The following HCRTR1 variants were observed in gnomAD, a reference collection of about 807,000 sequenced individuals.
HCRTR1 encodes the protein hypocretin receptor 1.
In HCRTR1, 28 loss-of-function variants were observed where a neutral mutation model predicts 40.6. The observed-to-expected ratio is 0.69, with a 90% CI of 0.51 to 0.95. The LOEUF (loss-of-function observed/expected upper bound fraction) is 0.95, where lower values mean the gene tolerates loss of function less well. HCRTR1 is among the 40% of genes least tolerant of loss of function. The pLI is 0.00. For missense variants in HCRTR1, 482 were observed against 564.7 expected, an observed-to-expected ratio of 0.85 and a Z score of 1.48; for synonymous variants, 209 against 230.0, an observed-to-expected ratio of 0.91 and a Z score of 0.83.
chr1:31,623,973 C>G (rs1639919829), intron 7 of HCRTR1, among the ~76,000 whole-genome samples: 1 of 152,166 alleles, frequency 6.6e-6, no homozygotes, highest in African/African-American at 2.4e-5. Context: ...TGAACAAGTG[C>G]ATAAGACAGA....
Position 31,619,302 on chromosome 1 carries a change from G to A in HCRTR1, c.110G>A (p.Arg37His), listed in dbSNP as rs200094994. The A allele has an allele frequency of 2.0e-5, 33 of 1,614,100 alleles. No homozygotes were observed. The highest frequency in any genetic ancestry group is 1.6e-4 in the Middle Eastern group (1 of 6,084). ...YEDEFLRYLW[R>H]DYLYPKQYEW... ...GATGAGTTTCTCCGCTATCTGTGGC[G>A]CGATTATCTGTACCCAAAACAGTAT... The change falls in exon 3 of 9, where the codon CGC (arginine) becomes CAC (histidine). Residue 37 changes from arginine to histidine, a missense_variant. Arg to His is a conservative substitution (Grantham distance 29). Coordinates refer to ENST00000403528, the MANE Select transcript of HCRTR1 (RefSeq NM_001525.3).
At chr1:31,628,127 C>T (rs940922666), downstream of HCRTR1, among the ~76,000 whole-genome samples, 2 of 152,148 alleles carry the variant, frequency 1.3e-5, no homozygotes, top group African/African-American at 4.8e-5. Context: ...GGAACAGGGA[C>T]ATCTGGCAGG....
At chr1:31,633,171 G>A (rs1356760970), downstream of HCRTR1, 2 of 1,613,742 alleles carry the variant, frequency 1.2e-6, no homozygotes, top group Admixed American at 1.7e-5. Flanking sequence ...ATCATCATGA[G>A]GCAGGTCTCA....
At chr1:31,632,423 T>C (rs1262211002), downstream of HCRTR1, 13 of 1,607,604 alleles carry the variant, frequency 8.1e-6, no homozygotes, top group Non-Finnish European at 1.1e-5. Flanking sequence ...GAAACCCCTT[T>C]GTTGTATCTT....
chr1:31,623,975 T>G (rs1639919913), intron 7 of HCRTR1, among the ~76,000 whole-genome samples: 1 of 152,152 alleles, frequency 6.6e-6, no homozygotes. Context: ...AACAAGTGCA[T>G]AAGACAGACA....
chr1:31,630,925 G>T, downstream of HCRTR1: 1 of 1,184,064 alleles, frequency 8.4e-7, no homozygotes, highest in Non-Finnish European at 1.2e-6. Flanking sequence ...GATCACAACA[G>T]TTCAAGGAAC....
chr1:31,620,865 T>G lies in HCRTR1; in HGVS notation c.401T>G (p.Val134Gly), dbSNP rs201018126. ...YLQAVSVSVA[V>G]LTLSFIALDR... is the part of the protein sequence containing the mutation. ...CAGGCTGTGTCCGTGTCAGTGGCAG[T>G]GCTAACTCTCAGCTTCATCGCCCTG... The change falls in exon 5 of 9, where the codon GTG (valine) becomes GGG (glycine). Residue 134 changes from valine to glycine, a missense_variant. Val to Gly is a moderately radical substitution (Grantham distance 109). Coordinates refer to ENST00000403528, the MANE Select transcript of HCRTR1 (RefSeq NM_001525.3). 3.7e-6 allele frequency: 6 copies of G among 1,613,948 alleles called. No homozygotes were observed. The highest frequency in any genetic ancestry group is 1.1e-5 in the South Asian group (1 of 91,096).
At chr1:31,630,670 G>A (rs1473081887), downstream of HCRTR1, 2 of 1,613,530 alleles carry the variant, frequency 1.2e-6, no homozygotes, top group African/African-American at 2.7e-5. Context: ...GCCGAATGTT[G>A]CCTTGTACAG....
intron 6 of HCRTR1, 146 bp from the exon 7 acceptor site, chr1:31,623,377 C>CTAACACTTGCAAGGGTTTT: frequency 1.7e-6 from 1 of 604,480 alleles, no homozygotes; most frequent in East Asian, 2.9e-5. Context: ...CTATCATAAA[C>CTAACACTTGCAAGGGTTTT]ATTAGATTCC....
At chr1:31,627,692 G>A, downstream of HCRTR1, 1 of 279,730 alleles carries the variant, frequency 3.6e-6, no homozygotes, top group Non-Finnish European at 7.1e-6. Context: ...CTGGGGGGAG[G>A]GAAGACAAGA....
downstream of HCRTR1, chr1:31,632,582 A>G: frequency 3.1e-6 from 5 of 1,614,166 alleles, no homozygotes; most frequent in African/African-American, 1.3e-5. Context: ...ATGAATTTCC[A>G]CAGGGCTGAG....
intron 6 of HCRTR1, among the ~76,000 whole-genome samples, chr1:31,622,217 T>A (rs1041146463): frequency 2.6e-5 from 4 of 151,900 alleles, no homozygotes; most frequent in Non-Finnish European, 5.9e-5. Context: ...GTTTCTTAGG[T>A]TTTTGGGGGG....
At chr1:31,619,760 A>T in intron 4 of HCRTR1, 50 bp downstream of exon 4, 1 of 1,526,542 alleles carries the variant, frequency 6.6e-7, no homozygotes, top group Non-Finnish European at 8.8e-7. Context: ...GCCTGTAAAA[A>T]ACCCACGGCC....
At chr1:31,620,101 G>A (rs771906858) in intron 4 of HCRTR1, among the ~76,000 whole-genome samples, 56 of 152,318 alleles carry the variant, frequency 3.7e-4, no homozygotes, top group Middle Eastern at 3.4e-3. Context: ...GGAAACAGCC[G>A]TCTCCTCTCC....
chr1:31,620,598 A>G (rs1294085662), intron 4 of HCRTR1, among the ~76,000 whole-genome samples: 2 of 152,246 alleles, frequency 1.3e-5, no homozygotes, highest in Non-Finnish European at 2.9e-5. Context: ...TGCCAGGTCT[A>G]AAGCTGGACA....
At position 31,618,868 on chromosome 1, in the gene HCRTR1, AG is replaced by A. The variant is rs149932751; in HGVS notation, c.-143+54del. On this transcript the variant is annotated intron_variant, in intron 2 of 8. Transcript: ENST00000403528. ...CAGATGGGGAAACCAAGGCTGAAAG[AG>A]GCCAGGTAAGCTACCCAAGGCAACT... 3.1e-3 allele frequency: 1,136 copies of A among 362,672 alleles called. 19 individuals carry two copies. Among genetic ancestry groups the A allele is most frequent in the African/African-American group, 0.021 (1,027 of 48,494 alleles). The allele number at this position is 362,672 out of a possible 1,614,324, so 22.5% of individuals were successfully genotyped here.
At chr1:31,628,333 C>CCA (rs2148613259), downstream of HCRTR1, among the ~76,000 whole-genome samples, 1 of 152,312 alleles carries the variant, frequency 6.6e-6, no homozygotes, top group African/African-American at 2.4e-5. Flanking sequence ...TCTAAGTATG[C>CCA]CACCTGCTCT....
At position 31,627,288 on chromosome 1, in the gene HCRTR1, ATCC is replaced by A; in HGVS notation, c.*313_*315del. Reference sequence around the variant, plus strand: ...CCCATCCTCCTTCCAGAGCTTGGTCATCCTCCTAAAGACCCCTTTCCTACCCAA... The same window carrying A: ...CCCATCCTCCTTCCAGAGCTTGGTCATCCTAAAGACCCCTTTCCTACCCAA... On this transcript the variant is annotated 3_prime_UTR_variant, in exon 9 of 9. Coordinates refer to ENST00000403528, the MANE Select transcript of HCRTR1 (RefSeq NM_001525.3). The A allele has an allele frequency of 7.2e-7, 1 of 1,379,924 alleles. No homozygotes were observed. Among genetic ancestry groups the A allele is most frequent in the Non-Finnish European group, 9.5e-7 (1 of 1,048,214 alleles). The allele number at this position is 1,379,924 out of a possible 1,614,324, so 85.5% of individuals were successfully genotyped here.
chr1:31,624,387 T>C (rs1206931884), intron 7 of HCRTR1, among the ~76,000 whole-genome samples: 2 of 145,006 alleles, frequency 1.4e-5, no homozygotes, highest in African/African-American at 2.7e-5. Flanking sequence ...GCCCAGGAGG[T>C]TGAGGCTGCA....
Sources: gnomAD v4.1 joint callset for allele counts (sites outside exome capture counted in the v4.1 genomes callset) on GRCh38, gnomAD v4.1.1 for gene constraint, MANE v1.5 for transcripts, NCBI Gene and HGNC (gene_info 2026-07-23, HGNC 2026-07-21) for gene names.